The following PRKD1 variants were observed in gnomAD, a reference collection of about 807,000 sequenced individuals.
The protein encoded by PRKD1 is serine/threonine-protein kinase D1.
Under a neutral mutation model 95.9 loss-of-function variants are expected in PRKD1, and 63 were observed. The ratio of observed to expected loss-of-function variants is 0.66; its 90% CI spans 0.54 to 0.81. The LOEUF (loss-of-function observed/expected upper bound fraction) is 0.81. PRKD1 is among the 30% of genes least tolerant of loss of function. The pLI, the probability that PRKD1 is intolerant of heterozygous loss-of-function variation, is 0.00. For synonymous variants in PRKD1, 425 were observed against 423.1 expected (o/e 1.00, Z -0.05); for missense variants, 1,048 against 1,165.3 (o/e 0.90, Z 1.47).
chr14:29,916,769 C>A (rs776634579), intron 1 of PRKD1, among the ~76,000 whole-genome samples: 19 of 152,294 alleles, frequency 1.2e-4, no homozygotes, highest in Non-Finnish European at 2.5e-4. Flanking sequence ...GTAGACCTCA[C>A]CTTTCTGTAG....
intron 1 of PRKD1, among the ~76,000 whole-genome samples, chr14:29,785,530 C>T (rs1002541257): frequency 1.3e-5 from 2 of 152,080 alleles, no homozygotes; most frequent in African/African-American, 2.4e-5. Flanking sequence ...TGACTTCCTC[C>T]TTTCCAATTT....
intron 1 of PRKD1, among the ~76,000 whole-genome samples, chr14:29,797,516 A>G (rs1282735831): frequency 6.6e-6 from 1 of 152,302 alleles, no homozygotes; most frequent in Non-Finnish European, 1.5e-5. Flanking sequence ...CTCTAACCAG[A>G]CCCTTACACC....
At chr14:29,762,799 A>G (rs1450369106) in intron 1 of PRKD1, among the ~76,000 whole-genome samples, 1 of 139,716 alleles carries the variant, frequency 7.2e-6, no homozygotes, top group East Asian at 2.0e-4. Context: ...GCTGGAGTGC[A>G]GAGGCACAAT....
intron 1 of PRKD1, among the ~76,000 whole-genome samples, chr14:29,773,305 C>A (rs1198834882): frequency 6.6e-6 from 1 of 151,842 alleles, no homozygotes; most frequent in Admixed American, 6.6e-5. Flanking sequence ...ACTAAAAATA[C>A]AAAAATTAGC....
At chr14:29,920,587 T>TACACACACACACACACAC (rs5807556) in intron 1 of PRKD1, among the ~76,000 whole-genome samples, 4 of 141,310 alleles carry the variant, frequency 2.8e-5, no homozygotes, top group East Asian at 2.1e-4. Context: ...TCCAGTCTAA[T>TACACACACACACACACAC]ACACACACAC....
chr14:29,684,033 T>G (rs1169635120), intron 2 of PRKD1, among the ~76,000 whole-genome samples: 4 of 152,208 alleles, frequency 2.6e-5, no homozygotes, highest in African/African-American at 9.7e-5. Flanking sequence ...GGGATTTCCT[T>G]AGCTAAAATG....
chr14:29,833,829 C>A (rs914633595), intron 1 of PRKD1, among the ~76,000 whole-genome samples: 1 of 151,800 alleles, frequency 6.6e-6, no homozygotes, highest in African/African-American at 2.4e-5. Flanking sequence ...AAAAGCAATC[C>A]CTTTTACTCC....
At chr14:29,749,851 C>T (rs1272667079) in intron 1 of PRKD1, among the ~76,000 whole-genome samples, 1 of 152,206 alleles carries the variant, frequency 6.6e-6, no homozygotes, top group African/African-American at 2.4e-5. Flanking sequence ...TATTTTCCTA[C>T]TGCATGTGCA....
chr14:29,805,111 A>G (rs1046175255), intron 1 of PRKD1, among the ~76,000 whole-genome samples: 20 of 152,212 alleles, frequency 1.3e-4, no homozygotes, highest in Admixed American at 1.3e-3. Flanking sequence ...ACTATAGATT[A>G]TCATACAGTT....
chr14:29,829,763 CT>C (rs1285780658), intron 1 of PRKD1, among the ~76,000 whole-genome samples: 1 of 152,168 alleles, frequency 6.6e-6, no homozygotes, highest in Non-Finnish European at 1.5e-5. Context: ...GATGTTGTCC[CT>C]AGTCACAATG....
At chr14:29,665,729 G>A (rs1342347118) in intron 3 of PRKD1, among the ~76,000 whole-genome samples, 3 of 151,858 alleles carry the variant, frequency 2.0e-5, no homozygotes, top group East Asian at 3.9e-4. Context: ...GTATATACAT[G>A]TTTGTATATA....
chr14:29,634,757 G>C (rs1880255611), intron 7 of PRKD1, among the ~76,000 whole-genome samples: 1 of 152,044 alleles, frequency 6.6e-6, no homozygotes, highest in Non-Finnish European at 1.5e-5. Flanking sequence ...ATCCTGGCCG[G>C]GTGCAGTGAC....
intron 1 of PRKD1, among the ~76,000 whole-genome samples, chr14:29,829,917 T>C (rs1891338054): frequency 6.6e-6 from 1 of 152,192 alleles, no homozygotes; most frequent in Non-Finnish European, 1.5e-5. Flanking sequence ...CTGACAGATT[T>C]CATAGAAAGT....
At chr14:29,804,622 T>C (rs1212773960) in intron 1 of PRKD1, among the ~76,000 whole-genome samples, 1 of 150,098 alleles carries the variant, frequency 6.7e-6, no homozygotes, top group Non-Finnish European at 1.5e-5. Flanking sequence ...ATGTTTAAAA[T>C]AGAGTTACCA....
intron 1 of PRKD1, among the ~76,000 whole-genome samples, chr14:29,854,951 A>C (rs1892441433): frequency 6.6e-6 from 1 of 152,170 alleles, no homozygotes; most frequent in Non-Finnish European, 1.5e-5. Context: ...CACAGAAGTA[A>C]AGAACTGGGG....
chr14:29,772,110 C>T (rs1888536255), intron 1 of PRKD1, among the ~76,000 whole-genome samples: 1 of 152,104 alleles, frequency 6.6e-6, no homozygotes, highest in Non-Finnish European at 1.5e-5. Context: ...TGAGTTAATG[C>T]TTAAACAAGG....
At chr14:29,920,464 CCAT>C (rs1396893832) in intron 1 of PRKD1, among the ~76,000 whole-genome samples, 1 of 152,010 alleles carries the variant, frequency 6.6e-6, no homozygotes, top group African/African-American at 2.4e-5. Flanking sequence ...CTTCATGTTA[CCAT>C]CAACACCTAT....
chr14:29,869,886 T>C lies in PRKD1; in HGVS notation c.264+57363A>G, dbSNP rs570703067. The stretch of plus-strand genomic sequence containing the variant: ...ACAATATTTGCTTTTCTTTGAAAGA[T>C]TGCCATGGCAGGGGGTGACTGGCGA... On this transcript the variant is annotated intron_variant, in intron 1 of 17. Transcript: ENST00000331968. 1.2e-4 allele frequency among the ~76,000 whole-genome samples: 19 copies of C among 152,308 alleles called. No homozygotes were observed. The South Asian group carries it at 1.4e-3, about 12-fold the overall frequency.
chr14:29,592,382 T>C (rs1893161892), intron 16 of PRKD1, among the ~76,000 whole-genome samples: 1 of 152,230 alleles, frequency 6.6e-6, no homozygotes, highest in Non-Finnish European at 1.5e-5. Flanking sequence ...CATTTTTATA[T>C]AGTTATGTAT....
Sources: gnomAD v4.1 joint callset for allele counts (sites outside exome capture counted in the v4.1 genomes callset) on GRCh38, gnomAD v4.1.1 for gene constraint, MANE v1.5 for transcripts, NCBI Gene and HGNC (gene_info 2026-07-23, HGNC 2026-07-21) for gene names.